ANKRD26: variants seen among roughly 807,000 people sequenced by gnomAD.
ANKRD26 encodes the protein ankyrin repeat domain 26, also known as ankyrin repeat domain-containing protein 26.
Under a neutral mutation model 208.7 loss-of-function variants are expected in ANKRD26, and 141 were observed. The observed-to-expected ratio is 0.68, with a 90% CI of 0.59 to 0.78. The LOEUF is 0.78. ANKRD26 is among the 30% of genes least tolerant of loss of function. The pLI is 0.00. For missense variants in ANKRD26, 1,889 were observed against 1,938.7 expected (o/e 0.97, Z 0.48); for synonymous variants, 636 against 660.4 (o/e 0.96, Z 0.57).
rs77135952 is a variant in ANKRD26 at position 27,094,962 on chromosome 10, T to C, written c.243-1163A>G. Among the ~76,000 whole-genome samples, 375 of 150,980 alleles carry C rather than the reference T, an allele frequency of 2.5e-3. 2 individuals are homozygous for C. The highest frequency in any genetic ancestry group is 8.6e-3 in the African/African-American group (353 of 40,994). On this transcript the variant is annotated intron_variant, in intron 1 of 33. Transcript: ENST00000376087. ...CTGTAGTGAGCTGTGATTGTGCCAC[T>C]GTACTCTAGCCTGGGCAACAGAGAG...
At chr10:27,038,851 A>G (rs544730538) in intron 21 of ANKRD26, among the ~76,000 whole-genome samples, 544 of 152,312 alleles carry the variant, frequency 3.6e-3, no homozygotes, top group Non-Finnish European at 5.5e-3. Flanking sequence ...TTCATACAAC[A>G]TATATCTGTA....
chr10:27,076,566 C>CA (rs916994355), intron 9 of ANKRD26, among the ~76,000 whole-genome samples: 6 of 151,614 alleles, frequency 4.0e-5, no homozygotes, highest in Non-Finnish European at 8.8e-5. Flanking sequence ...TGCCCAGTAG[C>CA]TTTTTTTTAA....
At chr10:26,956,965 C>A in the ANKRD26 span, among the ~76,000 whole-genome samples, 2 of 152,288 alleles carry the variant, frequency 1.3e-5, no homozygotes, top group African/African-American at 4.8e-5. Context: ...TCTTGCTGTG[C>A]TAAAGCTAGA....
intron 5 of ANKRD26, chr10:26,994,903 A>G (rs1430209536): frequency 2.8e-6 from 1 of 363,366 alleles, no homozygotes. Flanking sequence ...AGCTCGGGTC[A>G]GGGAAATCAA....
chr10:26,978,021 C>T (rs1186961803), intron 5 of ANKRD26, among the ~76,000 whole-genome samples: 1 of 152,232 alleles, frequency 6.6e-6, no homozygotes, highest in African/African-American at 2.4e-5. Flanking sequence ...GCTGTCTCTA[C>T]AGTTCTATGC....
At chr10:27,016,340 T>A (rs1202961110) in intron 30 of ANKRD26, among the ~76,000 whole-genome samples, 1 of 152,054 alleles carries the variant, frequency 6.6e-6, no homozygotes, top group African/African-American at 2.4e-5. Context: ...TCTCACCATC[T>A]TGCCTCACTG....
chr10:26,973,924 T>TG, exon 6 of ANKRD26, among the ~76,000 whole-genome samples: 1 of 152,246 alleles, frequency 6.6e-6, no homozygotes, highest in Non-Finnish European at 1.5e-5. Context: ...CCCAAAGTGC[T>TG]GGAATTACAG....
At chr10:26,952,316 T>A in the ANKRD26 span, among the ~76,000 whole-genome samples, 3 of 151,984 alleles carry the variant, frequency 2.0e-5, no homozygotes, top group Non-Finnish European at 2.9e-5. Flanking sequence ...ACTACTTCCC[T>A]CATGACAGTC....
intron 32 of ANKRD26, among the ~76,000 whole-genome samples, chr10:27,010,349 C>T (rs2053054462): frequency 6.6e-6 from 1 of 152,100 alleles, no homozygotes; most frequent in Non-Finnish European, 1.5e-5. Context: ...TAAGGAAAAA[C>T]ATTTCCTCAA....
chr10:26,995,317 T>C (rs1367429778), intron 4 of ANKRD26, among the ~76,000 whole-genome samples: 4 of 152,216 alleles, frequency 2.6e-5, no homozygotes, highest in South Asian at 4.1e-4. Context: ...GAACCCATGA[T>C]TATTTCTTCA....
intron 4 of ANKRD26, among the ~76,000 whole-genome samples, chr10:26,998,039 A>G (rs1398526228): frequency 6.6e-6 from 1 of 152,198 alleles, no homozygotes; most frequent in Non-Finnish European, 1.5e-5. Flanking sequence ...CTGTAGATGT[A>G]TAACTGGGCA....
At chr10:27,082,049 TAAAAA>T (rs994610726) in intron 6 of ANKRD26, among the ~76,000 whole-genome samples, 128 of 67,638 alleles carry the variant, frequency 1.9e-3, no homozygotes, top group Middle Eastern at 7.0e-3. Flanking sequence ...TGCAGTTATT[TAAAAA>T]AAAAAAAAAA....
the ANKRD26 span, among the ~76,000 whole-genome samples, chr10:26,947,776 A>G: frequency 2.0e-5 from 3 of 152,180 alleles, no homozygotes; most frequent in African/African-American, 7.2e-5. Flanking sequence ...AATGCAGTAA[A>G]GGGATCTTAA....
the ANKRD26 span, among the ~76,000 whole-genome samples, chr10:26,959,472 T>G: frequency 6.6e-6 from 1 of 152,142 alleles, no homozygotes; most frequent in Non-Finnish European, 1.5e-5. Flanking sequence ...TCCTTGATTA[T>G]GAGAAAACTT....
the ANKRD26 span, among the ~76,000 whole-genome samples, chr10:26,959,115 C>T: frequency 6.6e-6 from 1 of 151,710 alleles, no homozygotes; most frequent in Admixed American, 6.6e-5. Context: ...GTTGAAACTA[C>T]TAAAAATACA....
At chr10:27,059,769 G>C (rs1417155197) in intron 15 of ANKRD26, among the ~76,000 whole-genome samples, 1 of 151,700 alleles carries the variant, frequency 6.6e-6, no homozygotes, top group African/African-American at 2.4e-5. Context: ...AATTAGCCGG[G>C]CATGGTGGTG....
chr10:27,028,911 C>T lies in ANKRD26; in HGVS notation c.3913G>A (p.Val1305Ile), dbSNP rs10829163. 0.18 allele frequency: 281,857 copies of T among 1,610,364 alleles called. 31,558 individuals carry two copies. Among genetic ancestry groups the T allele is most frequent in the East Asian group, 0.57 (25,678 of 44,678 alleles). ...TCAATTTTGTCCATTTGCTTTTTGACTGTAACTTTTAACTTGGCATTATCT... is the reference window on the plus strand; with the variant it reads ...TCAATTTTGTCCATTTGCTTTTTGATTGTAACTTTTAACTTGGCATTATCT... ...EKDNAKLKVT[V>I]KKQMDKIEEL... Residue 1305 changes from valine (V) to isoleucine (I), a missense_variant, in exon 27 of 34, where the codon GTC becomes ATC. Around this residue, in one of 3 missense-constraint regions of ANKRD26, gnomAD observed 613 missense variants for 648.2 expected, o/e 0.95. Transcript: ENST00000376087.
chr10:27,070,157 C>T (rs1360549416), intron 9 of ANKRD26, among the ~76,000 whole-genome samples: 1 of 148,666 alleles, frequency 6.7e-6, no homozygotes, highest in Non-Finnish European at 1.5e-5. Context: ...GTAATCCCAG[C>T]ACTTTGGGAG....
At chr10:27,063,797 C>T (rs1015628601) in intron 12 of ANKRD26, among the ~76,000 whole-genome samples, 191 bp downstream of exon 12, 1 of 152,100 alleles carries the variant, frequency 6.6e-6, no homozygotes, top group Non-Finnish European at 1.5e-5. Flanking sequence ...TAATTCAGTT[C>T]CCTTAGTGGC....
Sources: allele counts gnomAD v4.1 joint callset (sites outside exome capture counted in the v4.1 genomes callset), GRCh38; gene constraint gnomAD v4.1.1; regional missense constraint gnomAD v4.1.1; transcripts MANE v1.5; gene names NCBI Gene and HGNC (gene_info 2026-07-23, HGNC 2026-07-21).